Variants in MED12L observed in about 807,000 individuals in gnomAD.
The protein encoded by MED12L is mediator complex subunit 12L, also known as mediator of RNA polymerase II transcription subunit 12-like protein.
Under a neutral mutation model 281.3 loss-of-function variants are expected in MED12L, and 60 were observed. The ratio of observed to expected loss-of-function variants is 0.21; its 90% CI spans 0.17 to 0.26. The LOEUF (loss-of-function observed/expected upper bound fraction) is 0.26. MED12L is among the 10% of genes least tolerant of loss of function. The pLI, the probability that MED12L is intolerant of heterozygous loss-of-function variation, is 1.00. For synonymous variants in MED12L, 974 were observed against 987.2 expected (o/e 0.99, Z 0.25); for missense variants, 2,146 against 2,680.9 (o/e 0.80, Z 4.41).
At chr3:151,416,477 T>G in intron 43 of MED12L, 55 bp downstream of exon 43, 1 of 1,574,586 alleles carries the variant, frequency 6.4e-7, no homozygotes. Context: ...AAAAGCAGGT[T>G]GCATTGTTCA....
intron 16 of MED12L, among the ~76,000 whole-genome samples, chr3:151,322,740 T>C (rs1749136297): frequency 6.6e-6 from 1 of 152,174 alleles, no homozygotes; most frequent in Non-Finnish European, 1.5e-5. Flanking sequence ...CTGATTCTCC[T>C]TTTCTACTAA....
intron 21 of MED12L, among the ~76,000 whole-genome samples, chr3:151,364,015 G>A (rs1270240767): frequency 1.3e-5 from 2 of 151,994 alleles, no homozygotes; most frequent in Non-Finnish European, 2.9e-5. Flanking sequence ...TAAAAAAAAA[G>A]CCATAGGTCA....
At chr3:151,361,261 G>A (rs1754579806) in intron 21 of MED12L, among the ~76,000 whole-genome samples, 1 of 151,928 alleles carries the variant, frequency 6.6e-6, no homozygotes, top group African/African-American at 2.4e-5. Context: ...CAATTTTGCT[G>A]TTTAGCAGGT....
chr3:151,086,479 AG>A (rs1719212839), intron 1 of MED12L: 1 of 143,522 alleles, frequency 7.0e-6, no homozygotes, highest in South Asian at 2.1e-4. Flanking sequence ...CGCCAAGAAA[AG>A]TTTTTTTTTT....
At chr3:151,087,387 T>G (rs972607967) in intron 2 of MED12L, among the ~76,000 whole-genome samples, 1 of 152,222 alleles carries the variant, frequency 6.6e-6, no homozygotes, top group African/African-American at 2.4e-5. Context: ...CGTCGTAAAC[T>G]TTTTGAAAAA....
At chr3:151,161,297 G>C (rs1222935594) in intron 8 of MED12L, among the ~76,000 whole-genome samples, 1 of 152,192 alleles carries the variant, frequency 6.6e-6, no homozygotes, top group Non-Finnish European at 1.5e-5. Context: ...ATGTTCAAGA[G>C]TTGTTACATG....
intron 5 of MED12L, among the ~76,000 whole-genome samples, chr3:151,146,825 T>A (rs1329550517): frequency 1.3e-5 from 2 of 152,002 alleles, no homozygotes; most frequent in Non-Finnish European, 2.9e-5. Flanking sequence ...CCTCCTTTTC[T>A]CTCTTTTCCT....
chr3:151,158,230 T>A (rs1435316847), intron 6 of MED12L, among the ~76,000 whole-genome samples: 1 of 152,196 alleles, frequency 6.6e-6, no homozygotes, highest in African/African-American at 2.4e-5. Context: ...TAGGTGATAG[T>A]ATCTGAAACT....
chr3:151,407,687 G>GT (rs1387099942), intron 39 of MED12L, among the ~76,000 whole-genome samples: 3 of 152,230 alleles, frequency 2.0e-5, no homozygotes, highest in East Asian at 1.9e-4. Context: ...AGATACAATT[G>GT]TTTTTTTAAC....
chr3:151,149,975 T>C (rs1369197372), intron 5 of MED12L, among the ~76,000 whole-genome samples: 1 of 152,214 alleles, frequency 6.6e-6, no homozygotes, highest in Non-Finnish European at 1.5e-5. Flanking sequence ...TCTCCTCCAC[T>C]GAAGTCTTGA....
Position 151,387,909 on chromosome 3 carries a change from C to T in MED12L, c.5188C>T (p.Arg1730Ter). ...PLSWAWFGTV[R>*]VDRRVIKYEE... ...GTCCTGGGCCTGGTTTGGGACAGTC[C>T]GAGTGGACCGAAGAGTGATCAAGTA... Residue 1730 changes from arginine to a stop codon, truncating the protein, a stop_gained, in exon 37 of 45, where the codon CGA becomes TGA. Coordinates refer to ENST00000687756, the MANE Select transcript of MED12L (RefSeq NM_001393769.1). LOFTEE classifies it high-confidence loss of function. 1 of 1,614,036 alleles carries T rather than the reference C, an allele frequency of 6.2e-7. No homozygotes were observed. Among genetic ancestry groups the T allele is most frequent in the Non-Finnish European group, 8.5e-7 (1 of 1,180,000 alleles).
intron 4 of MED12L, among the ~76,000 whole-genome samples, chr3:151,126,764 T>C (rs1714596487): frequency 1.3e-5 from 2 of 152,238 alleles, no homozygotes; most frequent in Admixed American, 1.3e-4. Flanking sequence ...GGAGAAATCC[T>C]TGGAACTGAC....
intron 16 of MED12L, among the ~76,000 whole-genome samples, chr3:151,325,922 G>A (rs956291664): frequency 1.3e-5 from 2 of 152,124 alleles, no homozygotes; most frequent in East Asian, 1.9e-4. Flanking sequence ...GAGGTAATAT[G>A]GATTTAGTGG....
intron 43 of MED12L, 142 bp from the exon 44 acceptor site, chr3:151,430,157 A>C: frequency 4.2e-6 from 5 of 1,203,222 alleles, no homozygotes; most frequent in Non-Finnish European, 5.7e-6. Context: ...GATGAAAATT[A>C]ATCCACACAC....
chr3:151,122,688 T>G (rs1375804059), intron 3 of MED12L, 95 bp from the exon 4 acceptor site: 1 of 879,346 alleles, frequency 1.1e-6, no homozygotes, highest in Non-Finnish European at 1.6e-6. Context: ...TGTATGAAGA[T>G]TTTCAATTGA....
At chr3:151,153,564 C>CTTTTTTTTT (rs1177653143) in intron 5 of MED12L, among the ~76,000 whole-genome samples, 5 of 94,282 alleles carry the variant, frequency 5.3e-5, no homozygotes, top group Non-Finnish European at 9.9e-5. Context: ...TGTTTTCTTT[C>CTTTTTTTTT]TTTTTTTTTT....
intron 16 of MED12L, among the ~76,000 whole-genome samples, chr3:151,334,196 C>CTTTTTT (rs71138494): frequency 2.2e-4 from 26 of 118,228 alleles, no homozygotes; most frequent in Admixed American, 5.9e-4. Flanking sequence ...TTCTTTCTTT[C>CTTTTTT]TTTTTTTTTT....
intron 16 of MED12L, among the ~76,000 whole-genome samples, chr3:151,218,149 AT>A (rs137965320): frequency 0.018 from 2,801 of 152,304 alleles, 91 homozygotes; most frequent in African/African-American, 0.065. Context: ...TTTTATTCTC[AT>A]GCTGATTTTA....
intron 16 of MED12L, among the ~76,000 whole-genome samples, chr3:151,247,761 TAAAAAAAAAAAGC>T (rs1735943641): frequency 2.1e-5 from 3 of 144,164 alleles, no homozygotes; most frequent in African/African-American, 5.2e-5. Flanking sequence ...TAATGTATAA[TAAAAAAAAAAAGC>T]AAAAAAAAAA....
Sources: gnomAD v4.1 joint callset for allele counts (sites outside exome capture counted in the v4.1 genomes callset) on GRCh38, gnomAD v4.1.1 for gene constraint, MANE v1.5 for transcripts, NCBI Gene and HGNC (gene_info 2026-07-23, HGNC 2026-07-21) for gene names.